AUTS2: variants seen among roughly 807,000 people sequenced by gnomAD.
The protein encoded by AUTS2 is autism susceptibility gene 2 protein.
A neutral mutation model predicts 112.4 loss-of-function variants in AUTS2; 17 were observed. That is an observed-to-expected ratio of 0.15 (90% CI 0.10 to 0.23). AUTS2 has a LOEUF of 0.23. AUTS2 is among the 10% of genes least tolerant of loss of function. AUTS2 has a pLI of 1.00. For synonymous variants in AUTS2, 751 were observed against 702.7 expected (o/e 1.07, Z -1.09); for missense variants, 1,510 against 1,701.6 (o/e 0.89, Z 1.98).
At chr7:69,736,409 G>A (rs2191824) in intron 1 of AUTS2, among the ~76,000 whole-genome samples, 9,342 of 152,256 alleles carry the variant, frequency 0.061, 321 homozygotes, top group East Asian at 0.13. Flanking sequence ...ATGTGCTCCT[G>A]TGCTCAGAAG....
At chr7:69,712,817 A>G (rs1249368065) in intron 1 of AUTS2, among the ~76,000 whole-genome samples, 3 of 152,154 alleles carry the variant, frequency 2.0e-5, no homozygotes, top group Admixed American at 6.5e-5. Context: ...AAGTGTTAGT[A>G]CCATTTTACA....
intron 2 of AUTS2, among the ~76,000 whole-genome samples, chr7:69,919,491 C>A (rs1340921672): frequency 1.3e-5 from 2 of 152,108 alleles, no homozygotes; most frequent in Non-Finnish European, 2.9e-5. Context: ...AGGAAGGGGG[C>A]AGTTTTATTG....
At chr7:70,413,619 C>G (rs1328997794) in intron 4 of AUTS2, among the ~76,000 whole-genome samples, 1 of 152,094 alleles carries the variant, frequency 6.6e-6, no homozygotes, top group African/African-American at 2.4e-5. Flanking sequence ...TATCTTCATT[C>G]CCCTTTCTCA....
At chr7:70,255,997 A>G (rs1475393505) in intron 4 of AUTS2, among the ~76,000 whole-genome samples, 1 of 152,204 alleles carries the variant, frequency 6.6e-6, no homozygotes. Flanking sequence ...CTAGGGAGTG[A>G]AATCTTATCT....
At chr7:70,633,157 A>T (rs972157751) in intron 5 of AUTS2, among the ~76,000 whole-genome samples, 4 of 152,204 alleles carry the variant, frequency 2.6e-5, no homozygotes, top group African/African-American at 9.6e-5. Flanking sequence ...TGTTGGGAGA[A>T]CCTAAAGCAG....
At chr7:69,849,631 T>C (rs1415370067) in intron 1 of AUTS2, among the ~76,000 whole-genome samples, 1 of 151,680 alleles carries the variant, frequency 6.6e-6, no homozygotes, top group Non-Finnish European at 1.5e-5. Context: ...TTTGTATTTA[T>C]ATAAAATATA....
At chr7:70,659,065 A>G (rs1302431641) in intron 5 of AUTS2, among the ~76,000 whole-genome samples, 1 of 152,138 alleles carries the variant, frequency 6.6e-6, no homozygotes, top group Non-Finnish European at 1.5e-5. Flanking sequence ...CTGGCGGGCC[A>G]CGGGGGTTGT....
chr7:69,617,624 A>G (rs1253166232), intron 1 of AUTS2, among the ~76,000 whole-genome samples: 1 of 152,176 alleles, frequency 6.6e-6, no homozygotes, highest in East Asian at 1.9e-4. Context: ...CAAAGCCCTC[A>G]TTTCCCAACT....
intron 1 of AUTS2, among the ~76,000 whole-genome samples, chr7:69,728,952 C>T (rs1212288084): frequency 6.6e-6 from 1 of 152,000 alleles, no homozygotes; most frequent in Non-Finnish European, 1.5e-5. Flanking sequence ...GTAGAAACAG[C>T]ATGGAAAATC....
chr7:69,878,350 C>G (rs1793895473), intron 1 of AUTS2, among the ~76,000 whole-genome samples: 1 of 152,188 alleles, frequency 6.6e-6, no homozygotes, highest in Admixed American at 6.5e-5. Flanking sequence ...TGTTTTATGA[C>G]TGCAACATTT....
intron 4 of AUTS2, among the ~76,000 whole-genome samples, chr7:70,187,040 T>C (rs1278577574): frequency 6.6e-6 from 1 of 152,244 alleles, no homozygotes; most frequent in African/African-American, 2.4e-5. Context: ...GTATTCTGGC[T>C]CTGTAATCCA....
chr7:70,436,289 C>G (rs1795890818), intron 5 of AUTS2: 1 of 152,946 alleles, frequency 6.5e-6, no homozygotes, highest in East Asian at 1.9e-4. Flanking sequence ...GAACTGCCCT[C>G]TTCCCATCCG....
chr7:69,736,375 T>G (rs1457388329), intron 1 of AUTS2, among the ~76,000 whole-genome samples: 1 of 152,214 alleles, frequency 6.6e-6, no homozygotes, highest in African/African-American at 2.4e-5. Context: ...TTGACTTGGG[T>G]ATTTCCTGTG....
intron 14 of AUTS2, among the ~76,000 whole-genome samples, chr7:70,777,909 A>G (rs550143242): frequency 1.3e-5 from 2 of 152,280 alleles, no homozygotes; most frequent in South Asian, 4.1e-4. Flanking sequence ...CATTCTTTTC[A>G]TTTTATGGCT....
intron 1 of AUTS2, among the ~76,000 whole-genome samples, chr7:69,707,326 A>G (rs1798106840): frequency 6.6e-6 from 1 of 152,178 alleles, no homozygotes; most frequent in Non-Finnish European, 1.5e-5. Flanking sequence ...TTCTTTGGCT[A>G]GTTTCATAGT....
At chr7:70,298,620 T>C (rs1347433695) in intron 4 of AUTS2, among the ~76,000 whole-genome samples, 5 of 152,160 alleles carry the variant, frequency 3.3e-5, no homozygotes, top group South Asian at 2.1e-4. Context: ...GTTACCCCAA[T>C]CCATATTAAC....
chr7:69,631,134 A>G (rs1426580917), intron 1 of AUTS2, among the ~76,000 whole-genome samples: 1 of 151,868 alleles, frequency 6.6e-6, no homozygotes, highest in Non-Finnish European at 1.5e-5. Flanking sequence ...AAGGATTCAC[A>G]TACTTCCCAA....
chr7:69,820,521 A>T (rs754846027), intron 1 of AUTS2, among the ~76,000 whole-genome samples: 7 of 152,240 alleles, frequency 4.6e-5, no homozygotes, highest in Non-Finnish European at 1.0e-4. Context: ...TAGGTTCATC[A>T]GTTCCAGGGG....
At chr7:70,121,930 ATG>A (rs1336083812) in intron 3 of AUTS2, among the ~76,000 whole-genome samples, 1 of 152,190 alleles carries the variant, frequency 6.6e-6, no homozygotes. Context: ...GAAACAACCC[ATG>A]TGTTTCTCAA....
Sources: gnomAD v4.1 joint callset for allele counts (sites outside exome capture counted in the v4.1 genomes callset) on GRCh38, gnomAD v4.1.1 for gene constraint, MANE v1.5 for transcripts, NCBI Gene and HGNC (gene_info 2026-07-23, HGNC 2026-07-21) for gene names.